PPP1R37: variants seen among roughly 807,000 people sequenced by gnomAD.
The protein encoded by PPP1R37 is leucine rich repeat containing 68.
In PPP1R37, 21 loss-of-function variants were observed where a neutral mutation model predicts 61.0. The ratio of observed to expected loss-of-function variants is 0.34; its 90% CI spans 0.24 to 0.50. The LOEUF is 0.50. Ranked by LOEUF, PPP1R37 falls within the 20% of genes least tolerant of loss-of-function variation. The pLI, the probability that PPP1R37 is intolerant of heterozygous loss-of-function variation, is 0.98. For synonymous variants in PPP1R37, 443 were observed against 433.5 expected (o/e 1.02, Z -0.27); for missense variants, 910 against 952.7 (o/e 0.96, Z 0.59).
intron 1 of PPP1R37, among the ~76,000 whole-genome samples, chr19:45,113,337 T>C (rs145583324): frequency 2.5e-3 from 386 of 152,352 alleles, no homozygotes; most frequent in African/African-American, 9.1e-3. Context: ...ATAGCTAGCG[T>C]TGGTGGAACA....
intron 1 of PPP1R37, among the ~76,000 whole-genome samples, chr19:45,120,079 G>A (rs1277315392): frequency 7.1e-5 from 10 of 140,428 alleles, no homozygotes; most frequent in East Asian, 2.0e-4. Context: ...GTGCAGTGGC[G>A]CGATCTCCGC....
intron 1 of PPP1R37, among the ~76,000 whole-genome samples, chr19:45,101,831 C>T (rs575103087): frequency 2.6e-5 from 4 of 152,212 alleles, no homozygotes; most frequent in South Asian, 4.1e-4. Context: ...GCCAGGAGCC[C>T]GGAGGCTGTA....
intron 1 of PPP1R37, among the ~76,000 whole-genome samples, chr19:45,117,947 C>G (rs887349392): frequency 2.0e-5 from 3 of 152,226 alleles, no homozygotes; most frequent in Admixed American, 2.0e-4. Flanking sequence ...CCGCGTGATC[C>G]GCGTTTCTCA....
chr19:45,127,884 A>G (rs1968426896), intron 1 of PPP1R37, among the ~76,000 whole-genome samples: 1 of 151,352 alleles, frequency 6.6e-6, no homozygotes, highest in Non-Finnish European at 1.5e-5. Context: ...CTGAGGCAGG[A>G]GAATCCCTTG....
intron 1 of PPP1R37, among the ~76,000 whole-genome samples, chr19:45,094,282 C>T (rs1197878607): frequency 6.6e-6 from 1 of 152,136 alleles, no homozygotes; most frequent in Non-Finnish European, 1.5e-5. Flanking sequence ...CCGCCGCCTG[C>T]TGCAATGTGG....
chr19:45,143,462 T>G, intron 7 of PPP1R37, 59 bp from the exon 8 acceptor site: 1 of 1,026,374 alleles, frequency 9.7e-7, no homozygotes, highest in Non-Finnish European at 1.5e-6. Flanking sequence ...TACCCTGCAG[T>G]CCCCTCCCCA....
Position 45,142,332 on chromosome 19 carries a change from C to CG in PPP1R37, c.751dup (p.Glu251GlyfsTer20). The CG allele has an allele frequency of 6.5e-7, 1 of 1,536,062 alleles. No homozygotes were observed. The highest frequency in any genetic ancestry group is 8.7e-7 in the Non-Finnish European group (1 of 1,146,896). On this transcript the variant is annotated frameshift_variant, in exon 7 of 13. Transcript: ENST00000221462. LOFTEE classifies it high-confidence loss of function. ...GGCCCTGAAGATGAACATGAACCTG[C>CG]GGGAGCTGTACCTGGCGGACAACAA...
At chr19:45,112,726 C>G (rs1171994257) in intron 1 of PPP1R37, among the ~76,000 whole-genome samples, 1 of 152,192 alleles carries the variant, frequency 6.6e-6, no homozygotes, top group Non-Finnish European at 1.5e-5. Flanking sequence ...GTCTGCCTTC[C>G]CGACTGGACC....
At chr19:45,101,895 C>T (rs1968068574) in intron 1 of PPP1R37, among the ~76,000 whole-genome samples, 1 of 152,234 alleles carries the variant, frequency 6.6e-6, no homozygotes, top group Admixed American at 6.5e-5. Flanking sequence ...TCATTGACTT[C>T]TTCATCAGAT....
rs987543312 is a variant in PPP1R37, at chr19:45,141,974, C to T, written c.568-87C>T. On this transcript the variant is annotated intron_variant, in intron 5 of 12. Coordinates refer to ENST00000221462, the MANE Select transcript of PPP1R37 (RefSeq NM_019121.2). ...AGACATGGGGGCACAGGTCCTGGGG[C>T]CAGGGAGTGCTGGGGCGGTCCTGGG... 4.8e-6 allele frequency: 5 copies of T among 1,037,956 alleles called. No homozygotes were observed. In the African/African-American group the frequency reaches 6.2e-5, roughly 13 times the overall value. 64.3% of individuals were successfully genotyped at this position (1,037,956 alleles called of 1,614,324 possible).
At chr19:45,141,521 G>A in intron 5 of PPP1R37, 80 bp downstream of exon 5, 2 of 1,464,720 alleles carry the variant, frequency 1.4e-6, no homozygotes, top group Non-Finnish European at 1.8e-6. Flanking sequence ...ATGGCCCGTA[G>A]GCTCTGACTG....
intron 1 of PPP1R37, among the ~76,000 whole-genome samples, chr19:45,119,914 G>A (rs1181799395): frequency 6.6e-6 from 1 of 152,198 alleles, no homozygotes; most frequent in Non-Finnish European, 1.5e-5. Flanking sequence ...AAGGGCCTGG[G>A]GTCCCTCTTT....
chr19:45,143,793 C>T, intron 8 of PPP1R37, 160 bp downstream of exon 8: 1 of 531,930 alleles, frequency 1.9e-6, no homozygotes, highest in Non-Finnish European at 3.3e-6. Flanking sequence ...CATTCAGCTT[C>T]TGTGCCTGTT....
At position 45,093,224 on chromosome 19, in the gene PPP1R37, C is replaced by T. The variant is rs886807310; in HGVS notation, c.-102C>T. ...GAGCGGACGGAGGCGGCGCCTGAAG[C>T]GGCGGCGGAGCCCATGCCCCGGGAC... On this transcript the variant is annotated 5_prime_UTR_variant, in exon 1 of 13. Transcript: ENST00000221462. 5.2e-6 allele frequency: 5 copies of T among 957,400 alleles called. No homozygotes were observed. The African/African-American group carries it at 6.9e-5, about 13-fold the overall frequency. The allele number at this position is 957,400 out of a possible 1,614,324, so 59.3% of individuals were successfully genotyped here.
Position 45,106,918 on chromosome 19 carries a change from G to A in PPP1R37, c.202+13391G>A, listed in dbSNP as rs537960315. On this transcript the variant is annotated intron_variant, in intron 1 of 12. Transcript: ENST00000221462. ...TGCACGCTCCGCCTCCCAGGTTCAC[G>A]CCATTCTCCTGCCTCAGCCTCCCAA... Among the ~76,000 whole-genome samples the A allele has an allele frequency of 1.2e-3, 163 of 138,354 alleles. 1 individual carries two copies. The highest frequency in any genetic ancestry group is 4.2e-3 in the African/African-American group (152 of 36,282). The allele number at this position is 138,354 out of a possible 152,430, so 90.8% of individuals were successfully genotyped here.
Position 45,140,518 on chromosome 19 carries a change from A to G in PPP1R37, c.359A>G (p.Asp120Gly). Residue 120 changes from aspartate (D) to glycine (G), a missense_variant, in exon 4 of 13, where the codon GAC (aspartate) becomes GGC (glycine). By Grantham distance (94) the Asp-to-Gly change is moderately conservative. Transcript: ENST00000221462. ...TGTCTCCCCCCAGGTGAGAAGCTTGACTACAAGACCTGTGAGGCCCTGGAA... is the reference window on the plus strand; with the variant it reads ...TGTCTCCCCCCAGGTGAGAAGCTTGGCTACAAGACCTGTGAGGCCCTGGAA... ...DCLDLKGEKL[D>G]YKTCEALEEV... 6.5e-7 allele frequency: 1 copy of G among 1,535,904 alleles called. No individual in the cohort carries two copies. Among genetic ancestry groups the G allele is most frequent in the Non-Finnish European group, 8.7e-7 (1 of 1,146,750 alleles).
At chr19:45,095,609 G>A (rs1967982314) in intron 1 of PPP1R37, among the ~76,000 whole-genome samples, 1 of 151,902 alleles carries the variant, frequency 6.6e-6, no homozygotes, top group African/African-American at 2.4e-5. Context: ...CAAAATATAC[G>A]AAAATTAGCC....
Position 45,146,491 on chromosome 19 carries a change from G to A in PPP1R37, c.*8+11G>A, listed in dbSNP as rs935910189. ...ACTGTGACACTTTAGGTGAGGCCAG[G>A]CCCGGGGCCCACAGCACTCGGGAGG... On this transcript the variant is annotated intron_variant, in intron 12 of 12. Coordinates refer to ENST00000221462, the MANE Select transcript of PPP1R37 (RefSeq NM_019121.2). The A allele has an allele frequency of 1.0e-5, 16 of 1,524,974 alleles. No individual in the cohort carries two copies. Among genetic ancestry groups the A allele is most frequent in the African/African-American group, 1.4e-5 (1 of 72,780 alleles). The allele number at this position is 1,524,974 out of a possible 1,614,324, so 94.5% of individuals were successfully genotyped here. A position where few individuals can be genotyped will look rare whatever the true frequency, so the allele number is the denominator to read the frequency against.
At chr19:45,141,515 C>T (rs1599711627) in intron 5 of PPP1R37, 74 bp downstream of exon 5, 1 of 1,475,192 alleles carries the variant, frequency 6.8e-7, no homozygotes, top group South Asian at 1.3e-5. Flanking sequence ...CAGGGCATGG[C>T]CCGTAGGCTC....
Sources: allele counts gnomAD v4.1 joint callset (sites outside exome capture counted in the v4.1 genomes callset), GRCh38; gene constraint gnomAD v4.1.1; transcripts MANE v1.5; gene names NCBI Gene and HGNC (gene_info 2026-07-23, HGNC 2026-07-21).